Variants in SPIDR observed in about 807,000 individuals in gnomAD.
SPIDR encodes scaffold protein involved in DNA repair, also known as DNA repair-scaffolding protein.
SPIDR carries 93 observed loss-of-function variants against 104.6 expected under a neutral mutation model. The observed-to-expected ratio is 0.89, with a 90% CI of 0.75 to 1.06. The LOEUF is 1.06. SPIDR is among the 50% of genes least tolerant of loss of function. The pLI is 0.00. For synonymous variants in SPIDR, 431 were observed against 416.9 expected, an observed-to-expected ratio of 1.03 and a Z score of -0.41; for missense variants, 1,154 against 1,111.2, an observed-to-expected ratio of 1.04 and a Z score of -0.55.
intron 8 of SPIDR, chr8:47,592,340 C>G (rs1403688509): frequency 2.5e-6 from 3 of 1,188,216 alleles, no homozygotes; most frequent in Non-Finnish European, 2.5e-6. Context: ...TTCAAAATAT[C>G]GAAACATATT....
rs1434791444 is a variant in SPIDR at position 47,321,721 on chromosome 8, T to A, written c.525+27691T>A. On this transcript the variant is annotated intron_variant, in intron 5 of 19. Coordinates refer to ENST00000297423, the MANE Select transcript of SPIDR (RefSeq NM_001080394.4). Reference sequence around the variant, plus strand: ...ACTACAAGGCTGCAGTAACCAAAACTGCATGGTACTGGTACCGAAACAGAG... The same window carrying A: ...ACTACAAGGCTGCAGTAACCAAAACAGCATGGTACTGGTACCGAAACAGAG... 2.6e-5 allele frequency among the ~76,000 whole-genome samples: 4 copies of A among 152,072 alleles called. No homozygotes were observed. The East Asian group carries it at 7.7e-4, about 29-fold the overall frequency.
At chr8:47,338,116 C>T (rs1322052891) in intron 5 of SPIDR, among the ~76,000 whole-genome samples, 1 of 152,116 alleles carries the variant, frequency 6.6e-6, no homozygotes, top group African/African-American at 2.4e-5. Context: ...TTTCTGTACT[C>T]TTATCCCCAG....
chr8:47,629,112 G>C (rs545776499), intron 10 of SPIDR, among the ~76,000 whole-genome samples: 9 of 152,184 alleles, frequency 5.9e-5, no homozygotes, highest in Non-Finnish European at 1.3e-4. Flanking sequence ...TTAAGGAAAA[G>C]TTTCGTTTGA....
intron 10 of SPIDR, among the ~76,000 whole-genome samples, chr8:47,645,018 GA>G (rs1485612781): frequency 6.6e-6 from 1 of 152,192 alleles, no homozygotes; most frequent in Non-Finnish European, 1.5e-5. Context: ...TGAGACAGAT[GA>G]TTAGCACACA....
At chr8:47,726,336 G>A (rs73571469) in intron 16 of SPIDR, among the ~76,000 whole-genome samples, 1 of 152,172 alleles carries the variant, frequency 6.6e-6, no homozygotes, top group Non-Finnish European at 1.5e-5. Context: ...GCTGGTTTTA[G>A]TGAGGAATGA....
At chr8:47,325,823 T>C (rs1339439915) in intron 5 of SPIDR, among the ~76,000 whole-genome samples, 1 of 152,206 alleles carries the variant, frequency 6.6e-6, no homozygotes, top group Non-Finnish European at 1.5e-5. Flanking sequence ...CCCAAATGCC[T>C]CTGCAATGAC....
intron 10 of SPIDR, among the ~76,000 whole-genome samples, chr8:47,636,345 T>G (rs1486034978): frequency 6.6e-6 from 1 of 152,144 alleles, no homozygotes; most frequent in Non-Finnish European, 1.5e-5. Flanking sequence ...GACCTCCCTA[T>G]TCCCTGAAAC....
In SPIDR at chr8:47,440,581, G is replaced by A. The variant is rs372866658; in HGVS notation, c.1097+39G>A. The stretch of plus-strand genomic sequence containing the variant: ...ACTTAATCCAGCAGTCACCAACTGT[G>A]AGTCAGCCTCGTAAGAAAAGACATT... On this transcript the variant is annotated intron_variant, in intron 8 of 19. Transcript: ENST00000297423. 33 of 1,565,082 alleles carry A rather than the reference G, an allele frequency of 2.1e-5. No homozygotes were observed. In the African/African-American group the frequency reaches 4.1e-4, roughly 19 times the overall value.
chr8:47,693,572 C>T (rs774773862), intron 11 of SPIDR, among the ~76,000 whole-genome samples: 1 of 152,210 alleles, frequency 6.6e-6, no homozygotes, highest in Non-Finnish European at 1.5e-5. Flanking sequence ...ATGCGCCTCC[C>T]AGGCACCAGT....
intron 8 of SPIDR, among the ~76,000 whole-genome samples, chr8:47,522,108 G>A (rs2084224542): frequency 6.6e-6 from 1 of 151,158 alleles, no homozygotes; most frequent in African/African-American, 2.4e-5. Context: ...AGATTGCAGT[G>A]AGCCGAGATC....
In SPIDR at chr8:47,331,507, G is replaced by A. The variant is rs115106859; in HGVS notation, c.525+37477G>A. 3.5e-3 allele frequency among the ~76,000 whole-genome samples: 528 copies of A among 152,202 alleles called. 4 individuals are homozygous for A. Among genetic ancestry groups the A allele is most frequent in the African/African-American group, 0.012 (487 of 41,532 alleles). On this transcript the variant is annotated intron_variant, in intron 5 of 19. Transcript: ENST00000297423. ...CATAGAAAAGGTACATTATAATATG[G>A]CATAAAAGATAAACAGTGGTATACA...
Position 47,735,380 on chromosome 8 carries a change from A to G in SPIDR, c.2678A>G (p.His893Arg). The change falls in exon 20 of 20, where the codon CAC (histidine) becomes CGC (arginine). Residue 893 changes from histidine to arginine, a missense_variant. Coordinates refer to ENST00000297423, the MANE Select transcript of SPIDR (RefSeq NM_001080394.4). ...TGTTTTGTCCAGTCCGTAACCGCCC[A>G]CCCGACCAGCTGCATTGGATTGGAG... ...LNCFVQSVTA[H>R]PTSCIGLEEI... The G allele has an allele frequency of 6.2e-7, 1 of 1,613,936 alleles. No homozygotes were observed. Among genetic ancestry groups the G allele is most frequent in the African/African-American group, 1.3e-5 (1 of 75,026 alleles).
chr8:47,685,500 TA>T lies in SPIDR; in HGVS notation c.1685+11560del, dbSNP rs1332962283. On this transcript the variant is annotated intron_variant, in intron 11 of 19. Coordinates refer to ENST00000297423, the MANE Select transcript of SPIDR (RefSeq NM_001080394.4). ...GGTTTTATTTATTTATTTATTTATT[TA>T]TTTATTTATTTATTTATTTTTTTGA... 2.7e-3 allele frequency among the ~76,000 whole-genome samples: 363 copies of T among 133,196 alleles called. 5 individuals are homozygous for T. The highest frequency in any genetic ancestry group is 4.3e-3 in the Non-Finnish European group (252 of 58,384). The allele number at this position is 133,196 out of a possible 152,430, so 87.4% of individuals were successfully genotyped here.
intron 16 of SPIDR, among the ~76,000 whole-genome samples, chr8:47,714,653 G>A (rs1315857148): frequency 6.6e-6 from 1 of 152,186 alleles, no homozygotes; most frequent in Admixed American, 6.5e-5. Context: ...CCTTGAGGGT[G>A]TATGCGTTCT....
intron 5 of SPIDR, among the ~76,000 whole-genome samples, chr8:47,349,901 A>C (rs1298990977): frequency 6.6e-6 from 1 of 152,164 alleles, no homozygotes; most frequent in African/African-American, 2.4e-5. Context: ...TAGGAAAGGG[A>C]ATTCCCTGAC....
intron 17 of SPIDR, among the ~76,000 whole-genome samples, chr8:47,728,113 C>T (rs1268019981): frequency 6.9e-6 from 1 of 144,596 alleles, no homozygotes. Context: ...GAGACTCTGT[C>T]TCAAAAAGAA....
intron 8 of SPIDR, among the ~76,000 whole-genome samples, chr8:47,494,762 C>A (rs2079196240): frequency 6.6e-6 from 1 of 152,152 alleles, no homozygotes; most frequent in South Asian, 2.1e-4. Flanking sequence ...CTCCTCCCCT[C>A]TTGAAAGCAA....
chr8:47,317,096 A>G (rs933586070), intron 5 of SPIDR, among the ~76,000 whole-genome samples: 1 of 152,094 alleles, frequency 6.6e-6, no homozygotes, highest in African/African-American at 2.4e-5. Flanking sequence ...GGAGTGTCGG[A>G]AAGTTGGTGC....
Position 47,712,710 on chromosome 8 carries a change from A to G in SPIDR, c.2026A>G (p.Thr676Ala). Residue 676 changes from threonine to alanine, a missense_variant, in exon 15 of 20, where the codon ACC (threonine) becomes GCC (alanine). Transcript: ENST00000297423. ...LEQREIWLLV[T>A]DVTLQTKEER... ...GCAAAGGGAGATCTGGCTGCTAGTG[A>G]CCGATGTCACTCTGCAAACGAAGGA... 1.2e-6 allele frequency: 2 copies of G among 1,614,130 alleles called. No individual in the cohort carries two copies. Among genetic ancestry groups the G allele is most frequent in the Non-Finnish European group, 1.7e-6 (2 of 1,180,014 alleles).
Sources: allele counts gnomAD v4.1 joint callset (sites outside exome capture counted in the v4.1 genomes callset), GRCh38; gene constraint gnomAD v4.1.1; transcripts MANE v1.5; gene names NCBI Gene and HGNC (gene_info 2026-07-23, HGNC 2026-07-21).